Variants in FAM184A observed in about 807,000 individuals in gnomAD.
FAM184A encodes the protein family with sequence similarity 184 member A, also known as protein FAM184A.
In FAM184A, 99 loss-of-function variants were observed where a neutral mutation model predicts 143.8. That is an observed-to-expected ratio of 0.69 (90% confidence interval 0.58 to 0.81). The LOEUF is 0.81. FAM184A is among the 40% of genes least tolerant of loss of function. FAM184A has a pLI of 0.00. For missense variants in FAM184A, 1,217 were observed against 1,310.5 expected (o/e 0.93, Z 1.10); for synonymous variants, 427 against 446.4 (o/e 0.96, Z 0.55).
chr6:118,961,347 A>G (rs1488008923), intron 17 of FAM184A, among the ~76,000 whole-genome samples: 1 of 150,448 alleles, frequency 6.6e-6, no homozygotes, highest in Non-Finnish European at 1.5e-5. Context: ...ATATTTATAA[A>G]TAATCTTGGT....
intron 1 of FAM184A, among the ~76,000 whole-genome samples, chr6:119,098,330 C>T (rs1183023708): frequency 2.6e-5 from 4 of 152,108 alleles, no homozygotes; most frequent in African/African-American, 9.7e-5. Context: ...AAATTAGTCT[C>T]GAGTATGTCT....
Position 118,975,107 on chromosome 6 carries a change from C to T in FAM184A, c.2685G>A (p.Glu895=), listed in dbSNP as rs781163299. 4 of 1,612,922 alleles carry T rather than the reference C, an allele frequency of 2.5e-6. No homozygotes were observed. The highest frequency in any genetic ancestry group is 3.4e-6 in the Non-Finnish European group (4 of 1,179,382). The change falls in exon 13 of 18, where the codon GAG becomes GAA. Residue 895 remains glutamate, a synonymous_variant. Transcript: ENST00000338891. ...ELDKEVQHLH[E]NISALTKELE... is the part of the protein sequence containing the mutation. Reference sequence around the variant, plus strand: ...GTTCTTTGGTTAGGGCACTTATATTCTCATGAAGGTGCTGAACCTCCTTAT... The same window carrying T: ...GTTCTTTGGTTAGGGCACTTATATTTTCATGAAGGTGCTGAACCTCCTTAT...
intron 7 of FAM184A, among the ~76,000 whole-genome samples, chr6:119,003,850 A>G (rs1454880975): frequency 6.6e-6 from 1 of 152,222 alleles, no homozygotes; most frequent in African/African-American, 2.4e-5. Context: ...ATTAAGGCTT[A>G]TATCACAAAT....
intron 1 of FAM184A, among the ~76,000 whole-genome samples, chr6:119,044,749 T>C (rs547433584): frequency 6.6e-6 from 1 of 152,168 alleles, no homozygotes; most frequent in Non-Finnish European, 1.5e-5. Flanking sequence ...GAGACTGAAG[T>C]TTGTAAACGT....
At chr6:119,118,532 A>G (rs529474530) in intron 1 of FAM184A, among the ~76,000 whole-genome samples, 3 of 152,356 alleles carry the variant, frequency 2.0e-5, no homozygotes, top group Non-Finnish European at 4.4e-5. Context: ...GATTTCATTG[A>G]CATTTATTAG....
intron 1 of FAM184A, among the ~76,000 whole-genome samples, chr6:119,131,732 C>T (rs1344896030): frequency 2.6e-5 from 4 of 151,950 alleles, no homozygotes; most frequent in Non-Finnish European, 5.9e-5. Flanking sequence ...CATCCCCCCA[C>T]CCAGCCCCCC....
At chr6:119,020,817 T>G (rs1052333243) in intron 3 of FAM184A, among the ~76,000 whole-genome samples, 3 of 152,130 alleles carry the variant, frequency 2.0e-5, no homozygotes, top group African/African-American at 7.2e-5. Flanking sequence ...GCCACTGCAC[T>G]ATGTCCTGCA....
chr6:119,039,048 A>G (rs952185141), intron 1 of FAM184A, among the ~76,000 whole-genome samples: 6 of 152,268 alleles, frequency 3.9e-5, no homozygotes, highest in Non-Finnish European at 7.3e-5. Flanking sequence ...GCAAATAAGT[A>G]TATGAAAATA....
intron 1 of FAM184A, among the ~76,000 whole-genome samples, chr6:119,099,932 T>C (rs1210388578): frequency 6.6e-6 from 1 of 152,136 alleles, no homozygotes; most frequent in Non-Finnish European, 1.5e-5. Flanking sequence ...GATCTCCAGT[T>C]TATAGCTAGT....
chr6:119,102,684 G>T (rs1439867518), intron 1 of FAM184A, among the ~76,000 whole-genome samples: 2 of 150,018 alleles, frequency 1.3e-5, no homozygotes, highest in South Asian at 2.1e-4. Flanking sequence ...CAGCTACTCA[G>T]GAGGCTGAGG....
chr6:119,027,239 T>C (rs556634802), intron 1 of FAM184A, among the ~76,000 whole-genome samples: 1 of 152,218 alleles, frequency 6.6e-6, no homozygotes, highest in South Asian at 2.1e-4. Context: ...CTGTAACTTC[T>C]GTCTCCCTAC....
chr6:119,111,521 T>C (rs1484075304), intron 1 of FAM184A, among the ~76,000 whole-genome samples: 1 of 152,166 alleles, frequency 6.6e-6, no homozygotes, highest in African/African-American at 2.4e-5. Context: ...CAAAAGATAA[T>C]TTTTTAAAAT....
intron 14 of FAM184A, among the ~76,000 whole-genome samples, chr6:118,968,584 C>G (rs892224166): frequency 2.0e-5 from 3 of 152,144 alleles, no homozygotes; most frequent in African/African-American, 4.8e-5. Context: ...AAAGAAATGG[C>G]AATTTGGGTT....
chr6:119,139,874 T>A (rs1158609148), intron 1 of FAM184A, among the ~76,000 whole-genome samples: 1 of 152,200 alleles, frequency 6.6e-6, no homozygotes, highest in Non-Finnish European at 1.5e-5. Flanking sequence ...GCCAATTCAA[T>A]CACAGCAAGT....
At chr6:119,102,803 A>AAAAG (rs1554196649) in intron 1 of FAM184A, among the ~76,000 whole-genome samples, 9 of 142,666 alleles carry the variant, frequency 6.3e-5, no homozygotes, top group Admixed American at 1.7e-4. Context: ...AAAAAAAAAA[A>AAAAG]AAAAGAAAAG....
intron 1 of FAM184A, among the ~76,000 whole-genome samples, chr6:119,067,456 G>A (rs1376750373): frequency 6.6e-6 from 1 of 152,110 alleles, no homozygotes; most frequent in Non-Finnish European, 1.5e-5. Flanking sequence ...CTCCCTATTT[G>A]TAAATTATCT....
chr6:119,047,702 C>G (rs1355820936), intron 1 of FAM184A, among the ~76,000 whole-genome samples: 7 of 151,980 alleles, frequency 4.6e-5, no homozygotes, highest in African/African-American at 1.7e-4. Flanking sequence ...CTGAACAGAT[C>G]AATAATGAGC....
chr6:119,071,321 A>C (rs1395157467), intron 1 of FAM184A, among the ~76,000 whole-genome samples: 1 of 152,346 alleles, frequency 6.6e-6, no homozygotes, highest in Non-Finnish European at 1.5e-5. Flanking sequence ...GAAAGCAGTC[A>C]AAAGAAAGAC....
At chr6:119,131,655 TA>T in intron 1 of FAM184A, among the ~76,000 whole-genome samples, 1 of 152,178 alleles carries the variant, frequency 6.6e-6, no homozygotes, top group East Asian at 1.9e-4. Flanking sequence ...TAGACTAATT[TA>T]AAAAATTTTT....
Sources: allele counts gnomAD v4.1 joint callset (sites outside exome capture counted in the v4.1 genomes callset), GRCh38; gene constraint gnomAD v4.1.1; transcripts MANE v1.5; gene names NCBI Gene and HGNC (gene_info 2026-07-23, HGNC 2026-07-21).